The following KIAA0825 variants were observed in gnomAD, a reference collection of about 807,000 sequenced individuals.
KIAA0825 encodes uncharacterized protein KIAA0825.
A neutral mutation model predicts 147.6 loss-of-function variants in KIAA0825; 119 were observed. That is an observed-to-expected ratio of 0.81 (90% CI 0.69 to 0.94). KIAA0825 has a LOEUF of 0.94. KIAA0825 is among the 40% of genes least tolerant of loss of function. The pLI, the probability that KIAA0825 is intolerant of heterozygous loss-of-function variation, is 0.00. For missense variants in KIAA0825, 1,381 were observed against 1,472.7 expected (o/e 0.94, Z 1.02); for synonymous variants, 470 against 518.1 (o/e 0.91, Z 1.26).
chr5:94,159,638 T>G (rs1398987822), intron 20 of KIAA0825, among the ~76,000 whole-genome samples: 1 of 152,172 alleles, frequency 6.6e-6, no homozygotes, highest in Non-Finnish European at 1.5e-5. Context: ...CGTGTTGTCA[T>G]TCCCTCTTGT....
Position 94,581,619 on chromosome 5 carries a change from T to G in KIAA0825, c.-2+814A>C, listed in dbSNP as rs571036404. Among the ~76,000 whole-genome samples the G allele has an allele frequency of 5.3e-5, 8 of 152,344 alleles. No homozygotes were observed. The South Asian group carries it at 1.7e-3, about 32-fold the overall frequency. On this transcript the variant is annotated intron_variant, in intron 2 of 20. Transcript: ENST00000682413. ...AGCATGTCAGCCTTTGCTTTGAAAC[T>G]CCTGAATTTTGTCATTTGGTGTTTG...
At chr5:94,437,342 A>G (rs1381852195) in intron 14 of KIAA0825, among the ~76,000 whole-genome samples, 2 of 152,226 alleles carry the variant, frequency 1.3e-5, no homozygotes, top group African/African-American at 2.4e-5. Context: ...TCAATTGATC[A>G]GTAAATTCAG....
intron 20 of KIAA0825, among the ~76,000 whole-genome samples, chr5:94,370,252 T>C (rs1746490394): frequency 6.6e-6 from 1 of 151,982 alleles, no homozygotes; most frequent in Non-Finnish European, 1.5e-5. Context: ...AACGGGTCAG[T>C]GGTTGCCACA....
intron 5 of KIAA0825, among the ~76,000 whole-genome samples, chr5:94,512,388 A>C (rs1215559653): frequency 6.6e-6 from 1 of 152,056 alleles, no homozygotes; most frequent in Admixed American, 6.6e-5. Flanking sequence ...ATTAAGCAAA[A>C]ATTTAGGGAT....
intron 14 of KIAA0825, among the ~76,000 whole-genome samples, chr5:94,431,838 A>G (rs564771097): frequency 2.4e-4 from 37 of 152,328 alleles, no homozygotes; most frequent in Non-Finnish European, 4.6e-4. Flanking sequence ...CAGAGAATGC[A>G]TGACCCTGTG....
chr5:94,599,330 G>GTTTT (rs1157592616), intron 1 of KIAA0825, among the ~76,000 whole-genome samples: 1 of 117,838 alleles, frequency 8.5e-6, no homozygotes, highest in Non-Finnish European at 1.8e-5. Flanking sequence ...TGATTATTTG[G>GTTTT]GTTTTTTTTT....
chr5:94,312,069 T>A (rs1474591933), intron 20 of KIAA0825, among the ~76,000 whole-genome samples: 1 of 151,672 alleles, frequency 6.6e-6, no homozygotes, highest in Non-Finnish European at 1.5e-5. Flanking sequence ...CGCTCCAGGC[T>A]GACTCTTGGC....
intron 12 of KIAA0825, among the ~76,000 whole-genome samples, chr5:94,457,289 T>C (rs1002779613): frequency 5.9e-5 from 9 of 152,206 alleles, no homozygotes; most frequent in African/African-American, 2.2e-4. Flanking sequence ...TCTAAATAAT[T>C]CATAGTGGAG....
chr5:94,515,898 T>G (rs1387911200), intron 5 of KIAA0825, among the ~76,000 whole-genome samples: 1 of 152,174 alleles, frequency 6.6e-6, no homozygotes, highest in Non-Finnish European at 1.5e-5. Flanking sequence ...TAAGAGTATC[T>G]GTAAGAATAA....
intron 20 of KIAA0825, among the ~76,000 whole-genome samples, chr5:94,298,015 C>T (rs933796073): frequency 2.1e-5 from 3 of 145,828 alleles, no homozygotes; most frequent in Admixed American, 6.8e-5. Flanking sequence ...GGGAGGCCAA[C>T]GTGGACAGAT....
chr5:94,303,013 A>C (rs1457129823), intron 20 of KIAA0825, among the ~76,000 whole-genome samples: 1 of 152,044 alleles, frequency 6.6e-6, no homozygotes, highest in Non-Finnish European at 1.5e-5. Context: ...GCACTTCAAC[A>C]CTAGACACAT....
chr5:94,554,715 A>AATAT lies in KIAA0825; in HGVS notation c.-1-17589_-1-17588insATAT, dbSNP rs1561307328. ...ATATGAGCCAGGCATTGTTCTGTGTACTATATATATATATATATATATATA... is the reference window on the plus strand; with the variant it reads ...ATATGAGCCAGGCATTGTTCTGTGTAATATCTATATATATATATATATATATATA... On this transcript the variant is annotated intron_variant, in intron 2 of 20. Transcript: ENST00000682413. Among the ~76,000 whole-genome samples, 68 of 75,352 alleles carry AATAT rather than the reference A, an allele frequency of 9.0e-4. 2 individuals carry two copies. The highest frequency in any genetic ancestry group is 3.3e-3 in the Admixed American group (20 of 5,974). The allele number at this position is 75,352 out of a possible 152,430, so 49.4% of individuals were successfully genotyped here.
rs561430712 is a variant in KIAA0825, at chr5:94,385,021, T to G, written c.3620-563A>C. Among the ~76,000 whole-genome samples, 14 of 152,278 alleles carry G rather than the reference T, an allele frequency of 9.2e-5. No individual in the cohort carries two copies. In the South Asian group the frequency reaches 2.9e-3, roughly 32 times the overall value. On this transcript the variant is annotated intron_variant, in intron 19 of 20. Transcript: ENST00000682413. ...TTCCTTTTTCTCATTAATAGAAATT[T>G]CACAACAGACTATGGAGAAAAATTA...
intron 15 of KIAA0825, among the ~76,000 whole-genome samples, chr5:94,407,911 G>T (rs1255798383): frequency 6.6e-6 from 1 of 152,172 alleles, no homozygotes; most frequent in Admixed American, 6.5e-5. Context: ...ATTTGTCACT[G>T]ATATCATAAT....
chr5:94,503,553 CA>C (rs1765347178), intron 5 of KIAA0825, among the ~76,000 whole-genome samples: 1 of 152,132 alleles, frequency 6.6e-6, no homozygotes. Context: ...CACTGCCTTA[CA>C]AATCAGGACA....
chr5:94,588,565 T>C (rs762789479), intron 1 of KIAA0825, among the ~76,000 whole-genome samples: 6 of 152,084 alleles, frequency 3.9e-5, no homozygotes, highest in Admixed American at 3.9e-4. Context: ...TGTGGAGAAA[T>C]AGGAATGCTT....
chr5:94,204,725 T>C (rs1771995535), intron 20 of KIAA0825, among the ~76,000 whole-genome samples: 1 of 152,086 alleles, frequency 6.6e-6, no homozygotes, highest in Admixed American at 6.6e-5. Context: ...TTCTGGGTAT[T>C]TAAAACTATT....
At chr5:94,594,228 C>A in intron 1 of KIAA0825, 1 of 598,242 alleles carries the variant, frequency 1.7e-6, no homozygotes, top group South Asian at 1.4e-5. Context: ...TGCAAGAGTC[C>A]AGTTTTGTCT....
At chr5:94,512,801 C>T (rs1766689409) in intron 5 of KIAA0825, among the ~76,000 whole-genome samples, 2 of 152,050 alleles carry the variant, frequency 1.3e-5, no homozygotes, top group Admixed American at 6.6e-5. Context: ...GAGGCTGAGA[C>T]AGGAGAATCG....
Sources: gnomAD v4.1 joint callset for allele counts (sites outside exome capture counted in the v4.1 genomes callset) on GRCh38, gnomAD v4.1.1 for gene constraint, MANE v1.5 for transcripts, NCBI Gene and HGNC (gene_info 2026-07-23, HGNC 2026-07-21) for gene names.